Variants in UBAP2 observed in about 807,000 individuals in gnomAD.
UBAP2 encodes the protein ubiquitin associated protein 2.
In UBAP2, 75 loss-of-function variants were observed where a neutral mutation model predicts 139.6. That is an observed-to-expected ratio of 0.54 (90% CI 0.45 to 0.65). UBAP2 has a LOEUF of 0.65. Among genes scored for constraint, UBAP2 ranks in the 30% least tolerant of loss-of-function variants. The probability of loss-of-function intolerance (pLI) is 0.00; values close to 1 mark genes in which losing one functional copy is unlikely to be tolerated. For missense variants in UBAP2, 1,368 were observed against 1,369.6 expected, an observed-to-expected ratio of 1.00 and a Z score of 0.02; for synonymous variants, 526 against 526.2, an observed-to-expected ratio of 1.00 and a Z score of 0.01.
chr9:33,955,090 A>T lies in UBAP2; in HGVS notation c.866+989T>A, dbSNP rs117143878. On this transcript the variant is annotated intron_variant, in intron 11 of 28. Coordinates refer to ENST00000379238, the MANE Select transcript of UBAP2 (RefSeq NM_001370062.2). ...AGCAGAGTAAAACTAGTAGAACTCA[A>T]ATAAAATAAGAGATCTGTATTAGTT... Among the ~76,000 whole-genome samples, 736 of 152,276 alleles carry T rather than the reference A, an allele frequency of 4.8e-3. 4 individuals are homozygous for T. The highest frequency in any genetic ancestry group is 7.3e-3 in the Non-Finnish European group (499 of 68,022).
chr9:33,942,239 G>A (rs559413986), intron 15 of UBAP2, among the ~76,000 whole-genome samples: 13 of 152,240 alleles, frequency 8.5e-5, no homozygotes, highest in Admixed American at 2.0e-4. Flanking sequence ...TTGAACTCGG[G>A]AGGCAGAGGT....
intron 12 of UBAP2, chr9:33,952,767 T>G (rs1318559473): frequency 6.5e-6 from 1 of 154,656 alleles, no homozygotes; most frequent in Non-Finnish European, 1.5e-5. Context: ...ATTTTTATCT[T>G]TGTCCAGGAA....
At chr9:34,016,713 GC>G (rs965534851) in intron 2 of UBAP2, among the ~76,000 whole-genome samples, 8 of 149,946 alleles carry the variant, frequency 5.3e-5, no homozygotes, top group Non-Finnish European at 1.0e-4. Context: ...ACACCACCAC[GC>G]CCAGCTAATT....
chr9:33,979,916 AC>A (rs1223818916), intron 6 of UBAP2, among the ~76,000 whole-genome samples: 1 of 151,244 alleles, frequency 6.6e-6, no homozygotes, highest in Non-Finnish European at 1.5e-5. Flanking sequence ...TACTAAAAAT[AC>A]AAAAAATTAG....
chr9:33,922,395 GAC>G lies in UBAP2; in HGVS notation c.*107_*108del, dbSNP rs1261340854. 4.7e-6 allele frequency: 5 copies of G among 1,074,816 alleles called. No individual in the cohort carries two copies. In the African/African-American group the frequency reaches 6.3e-5, roughly 13 times the overall value. 66.6% of individuals were successfully genotyped at this position (1,074,816 alleles called of 1,614,324 possible). A position where few individuals can be genotyped will look rare whatever the true frequency, so the allele number is the denominator to read the frequency against. On this transcript the variant is annotated 3_prime_UTR_variant, in exon 29 of 29. Coordinates refer to ENST00000379238, the MANE Select transcript of UBAP2 (RefSeq NM_001370062.2). ...GCAGACTCCCCACAGAGGCATGGCT[GAC>G]ACATGTCGGGAATTCTAGGAAAGGG...
chr9:33,965,809 G>C (rs1827400635), intron 8 of UBAP2, among the ~76,000 whole-genome samples: 1 of 150,886 alleles, frequency 6.6e-6, no homozygotes, highest in African/African-American at 2.4e-5. Flanking sequence ...AGCACTCTGA[G>C]AGGCCGAGGC....
chr9:34,002,606 G>C (rs1342601258), intron 2 of UBAP2, among the ~76,000 whole-genome samples: 4 of 152,018 alleles, frequency 2.6e-5, no homozygotes, highest in Non-Finnish European at 5.9e-5. Context: ...TCGAACTCCT[G>C]ACCTCATGAT....
intron 19 of UBAP2, among the ~76,000 whole-genome samples, chr9:33,929,729 C>T (rs1457059304): frequency 7.9e-5 from 12 of 152,194 alleles, no homozygotes; most frequent in Non-Finnish European, 8.8e-5. Flanking sequence ...AGGCCGGGCA[C>T]GGTGGCTCAC....
At position 33,948,442 on chromosome 9, in the gene UBAP2, T is replaced by A. The variant is rs757838877; in HGVS notation, c.1202A>T (p.His401Leu). ...TPSTQQNSTSHPTTTTSWDLK... is the reference protein window; with the variant it reads ...TPSTQQNSTSLPTTTTSWDLK... Reference sequence around the variant, plus strand: ...GTCCCAAGAAGTAGTAGTTGTAGGGTGACTTGTACTATTCTGCTGTGTACT... The same window carrying A: ...GTCCCAAGAAGTAGTAGTTGTAGGGAGACTTGTACTATTCTGCTGTGTACT... Residue 401 changes from histidine to leucine, a missense_variant, in exon 13 of 29, where the codon CAC becomes CTC. Physicochemically the swap from His to Leu is moderately conservative, Grantham distance 99 (BLOSUM62 -3). Transcript: ENST00000379238. 57 of 1,613,868 alleles carry A rather than the reference T, an allele frequency of 3.5e-5. No homozygotes were observed. The highest frequency in any genetic ancestry group is 4.2e-5 in the Non-Finnish European group (50 of 1,179,978).
At chr9:34,028,804 A>C (rs1257238677) in intron 1 of UBAP2, among the ~76,000 whole-genome samples, 1 of 151,904 alleles carries the variant, frequency 6.6e-6, no homozygotes, top group Admixed American at 6.6e-5. Context: ...TCCTACAAAA[A>C]GGAAAAAAAA....
At chr9:34,045,118 C>T (rs553949368) in intron 1 of UBAP2, among the ~76,000 whole-genome samples, 3 of 151,976 alleles carry the variant, frequency 2.0e-5, no homozygotes, top group Non-Finnish European at 2.9e-5. Flanking sequence ...GAGGCCGAGG[C>T]GGGCGGATCA....
rs577043387 is a variant in UBAP2, at chr9:33,969,050, A to G, written c.679+2601T>C. 6.7e-4 allele frequency among the ~76,000 whole-genome samples: 102 copies of G among 152,214 alleles called. 1 individual carries two copies. The South Asian group carries it at 0.021, about 31-fold the overall frequency. The stretch of plus-strand genomic sequence containing the variant: ...CATTATTCCATTCTATGTATATTCT[A>G]TATTTTGCTTATACATTCATCCATT... On this transcript the variant is annotated intron_variant, in intron 8 of 28. Transcript: ENST00000379238.
chr9:33,994,953 G>C (rs2131173445), intron 4 of UBAP2: 1 of 152,154 alleles, frequency 6.6e-6, no homozygotes, highest in African/African-American at 2.4e-5. Flanking sequence ...CAGTTTGTTT[G>C]TTTTAAATTT....
intron 1 of UBAP2, among the ~76,000 whole-genome samples, chr9:34,027,030 T>C (rs981785223): frequency 3.3e-5 from 5 of 152,206 alleles, no homozygotes; most frequent in Non-Finnish European, 5.9e-5. Flanking sequence ...CCATATGTTC[T>C]ATACTGGTAT....
intron 17 of UBAP2, chr9:33,935,310 CT>C (rs60675852): frequency 0.021 from 3,023 of 146,884 alleles, 33 homozygotes; most frequent in Non-Finnish European, 0.022. Context: ...TAGTTTCTTT[CT>C]TTTTTTTTTT....
intron 10 of UBAP2, among the ~76,000 whole-genome samples, chr9:33,958,557 A>C (rs1826758961): frequency 6.6e-6 from 1 of 151,566 alleles, no homozygotes; most frequent in Non-Finnish European, 1.5e-5. Flanking sequence ...ACAGGTGCCC[A>C]CCATCCCACC....
In UBAP2 at chr9:33,933,516, A is replaced by G. The variant is rs772623368; in HGVS notation, c.2082T>C (p.Thr694=). Residue 694 remains threonine, a synonymous_variant, in exon 18 of 29, where the codon ACT becomes ACC. Transcript: ENST00000379238. ...PSTSQHTGDL[T]SSPLSQLSSS... is the part of the protein sequence containing the mutation. ...TGCTAAGCTGAGAGAGAGGGCTGCT[A>G]GTCAGGTCGCCAGTGTGCTGGGATG... The G allele has an allele frequency of 1.2e-6, 2 of 1,613,918 alleles. No homozygotes were observed. Among genetic ancestry groups the G allele is most frequent in the East Asian group, 4.5e-5 (2 of 44,882 alleles).
chr9:33,955,903 C>T (rs1180964737), intron 11 of UBAP2, among the ~76,000 whole-genome samples, 176 bp downstream of exon 11: 1 of 150,886 alleles, frequency 6.6e-6, no homozygotes, highest in Non-Finnish European at 1.5e-5. Context: ...GTGGATACAT[C>T]AATTAGAAAA....
Position 33,941,836 on chromosome 9 carries a change from AT to A in UBAP2, c.1741del (p.Met581Ter). The stretch of plus-strand genomic sequence containing the variant: ...TGTGGAGTTCTGTACTGCACTGGTC[AT>A]TGATAAAGATGTATTCAAAGGCTCA... The part of the protein sequence containing the change: ...LSEPLNTSLS[M>X]TSAVQNSTYT... On this transcript the variant is annotated frameshift_variant, in exon 16 of 29. Coordinates refer to ENST00000379238, the MANE Select transcript of UBAP2 (RefSeq NM_001370062.2). LOFTEE classifies it high-confidence loss of function. The A allele has an allele frequency of 6.2e-7, 1 of 1,613,964 alleles. No homozygotes were observed. The highest frequency in any genetic ancestry group is 1.1e-5 in the South Asian group (1 of 91,042).
Sources: allele counts gnomAD v4.1 joint callset (sites outside exome capture counted in the v4.1 genomes callset), GRCh38; gene constraint gnomAD v4.1.1; transcripts MANE v1.5; gene names NCBI Gene and HGNC (gene_info 2026-07-23, HGNC 2026-07-21).